NDE1: variants seen among roughly 807,000 people sequenced by gnomAD.
The protein encoded by NDE1 is nudE neurodevelopment protein 1.
Under a neutral mutation model 43.4 loss-of-function variants are expected in NDE1, and 28 were observed. The ratio of observed to expected loss-of-function variants is 0.65; its 90% CI spans 0.48 to 0.89. The LOEUF is 0.89. Ranked by LOEUF, NDE1 falls within the 40% of genes least tolerant of loss-of-function variation. The pLI, the probability that NDE1 is intolerant of heterozygous loss-of-function variation, is 0.00. For missense variants in NDE1, 441 were observed against 434.1 expected (o/e 1.02, Z -0.14); for synonymous variants, 184 against 172.0 (o/e 1.07, Z -0.55).
chr16:15,671,138 T>C (rs980301816), intron 3 of NDE1, among the ~76,000 whole-genome samples: 1 of 152,140 alleles, frequency 6.6e-6, no homozygotes, highest in African/African-American at 2.4e-5. Flanking sequence ...ACCAATAATA[T>C]TTCCCCTACT....
chr16:15,652,651 T>C (rs2036561891), intron 1 of NDE1, among the ~76,000 whole-genome samples: 1 of 152,114 alleles, frequency 6.6e-6, no homozygotes, highest in African/African-American at 2.4e-5. Context: ...CTATTTTACT[T>C]TTTGTCCAAG....
intron 8 of NDE1, chr16:15,703,585 T>C: frequency 8.0e-6 from 3 of 374,824 alleles, no homozygotes; most frequent in Non-Finnish European, 1.5e-5. Flanking sequence ...ACAGGGGTAG[T>C]AGGGGTGGTG....
At chr16:15,686,258 G>T in intron 4 of NDE1, 1 of 608,086 alleles carries the variant, frequency 1.6e-6, no homozygotes, top group Non-Finnish European at 2.1e-6. Flanking sequence ...GGGCCTGTAT[G>T]ACTTCTTGCC....
intron 3 of NDE1, among the ~76,000 whole-genome samples, chr16:15,671,410 T>C (rs960224482): frequency 1.3e-5 from 2 of 152,156 alleles, no homozygotes; most frequent in African/African-American, 4.8e-5. Context: ...CTCAAGAGGC[T>C]GAGGCAGGAG....
intron 8 of NDE1, among the ~76,000 whole-genome samples, chr16:15,716,081 A>G (rs56786076): frequency 0.01 from 1,547 of 152,226 alleles, 32 homozygotes; most frequent in African/African-American, 0.034. Flanking sequence ...AGCCTGGGAA[A>G]CAGAGTGAGA....
At chr16:15,667,777 G>A (rs570654366) in intron 3 of NDE1, among the ~76,000 whole-genome samples, 12 of 151,566 alleles carry the variant, frequency 7.9e-5, no homozygotes, top group South Asian at 2.1e-4. Flanking sequence ...GATTATAGGC[G>A]CCTGCTACCA....
Position 15,699,796 on chromosome 16 carries a change from C to T in NDE1, c.947+2936C>T, listed in dbSNP as rs1019173758. 7.4e-6 allele frequency: 10 copies of T among 1,351,332 alleles called. No homozygotes were observed. The African/African-American group carries it at 1.5e-4, about 20-fold the overall frequency. 83.7% of individuals were successfully genotyped at this position (1,351,332 alleles called of 1,614,324 possible). A position where few individuals can be genotyped will look rare whatever the true frequency, so the allele number is the denominator to read the frequency against. Reference sequence around the variant, plus strand: ...GTCTTCATCGCCGCTGCCGTCAGCCCAGGGGGTAGTCAAGATGTTGCTTTA... The same window carrying T: ...GTCTTCATCGCCGCTGCCGTCAGCCTAGGGGGTAGTCAAGATGTTGCTTTA... On this transcript the variant is annotated intron_variant, in intron 8 of 8. Coordinates refer to ENST00000396354, the MANE Select transcript of NDE1 (RefSeq NM_017668.3).
rs148344039 is a variant in NDE1, at chr16:15,694,172, C to T, written c.711C>T (p.Asp237=). The T allele has an allele frequency of 4.8e-5, 77 of 1,612,604 alleles. 1 individual carries two copies. The Middle Eastern group carries it at 3.7e-3, about 77-fold the overall frequency. Residue 237 remains aspartate, a synonymous_variant, in exon 7 of 9, where the codon GAC becomes GAT. Transcript: ENST00000396354. ...NTPGSFRRGL[D]DSTGGTPLTP... is the part of the protein sequence containing the mutation. Reference sequence around the variant, plus strand: ...TTCCCTTTGCACACCCAGGCCTGGACGACTCCACCGGGGGGACCCCCCTCA... The same window carrying T: ...TTCCCTTTGCACACCCAGGCCTGGATGACTCCACCGGGGGGACCCCCCTCA...
intron 5 of NDE1, 29 bp downstream of exon 5, chr16:15,687,540 A>G (rs1372108614): frequency 1.3e-6 from 2 of 1,587,312 alleles, no homozygotes; most frequent in Non-Finnish European, 1.7e-6. Context: ...CTTCACCAGC[A>G]TGGTCCCCTC....
At chr16:15,699,623 C>T in intron 8 of NDE1, 1 of 1,251,476 alleles carries the variant, frequency 8.0e-7, no homozygotes, top group Non-Finnish European at 1.0e-6. Context: ...CCTGTGAGAC[C>T]CTGCTCCTGA....
At chr16:15,671,570 A>G (rs2037594831) in intron 3 of NDE1, among the ~76,000 whole-genome samples, 2 of 152,056 alleles carry the variant, frequency 1.3e-5, no homozygotes, top group African/African-American at 4.8e-5. Flanking sequence ...CAATCCCCAT[A>G]TCCGTGACAC....
At chr16:15,681,023 T>A (rs980728245) in intron 4 of NDE1, among the ~76,000 whole-genome samples, 3 of 151,860 alleles carry the variant, frequency 2.0e-5, no homozygotes, top group Admixed American at 6.6e-5. Flanking sequence ...CATCTTTTTT[T>A]AAATACCTTC....
chr16:15,719,488 G>T, intron 8 of NDE1: 3 of 1,583,110 alleles, frequency 1.9e-6, no homozygotes, highest in Non-Finnish European at 2.6e-6. Flanking sequence ...CCCCAGAGGA[G>T]GACGAAATGA....
intron 6 of NDE1, among the ~76,000 whole-genome samples, chr16:15,692,534 T>A (rs1447413336): frequency 6.6e-6 from 1 of 151,926 alleles, no homozygotes; most frequent in Non-Finnish European, 1.5e-5. Flanking sequence ...CTCAGCCTCC[T>A]GAGTAAGCTT....
intron 8 of NDE1, among the ~76,000 whole-genome samples, chr16:15,712,065 C>T (rs1159753457): frequency 2.6e-5 from 4 of 152,038 alleles, no homozygotes; most frequent in Non-Finnish European, 4.4e-5. Flanking sequence ...GAGACCAAAA[C>T]GTTAAGAAGG....
Position 15,703,817 on chromosome 16 carries a change from T to G in NDE1, c.947+6957T>G, listed in dbSNP as rs540298456. ...TGCCCAGGCTGGAGGGTGGTGGTTT[T>G]TATATTCCTTGTGTGAGGGGTGTCT... On this transcript the variant is annotated intron_variant, in intron 8 of 8. Coordinates refer to ENST00000396354, the MANE Select transcript of NDE1 (RefSeq NM_017668.3). 47 of 882,726 alleles carry G rather than the reference T, an allele frequency of 5.3e-5. 1 individual carries two copies. In the South Asian group the frequency reaches 6.4e-4, roughly 12 times the overall value. The allele number at this position is 882,726 out of a possible 1,614,324, so 54.7% of individuals were successfully genotyped here. A position where few individuals can be genotyped will look rare whatever the true frequency, so the allele number is the denominator to read the frequency against.
At chr16:15,699,870 C>T in intron 8 of NDE1, 1 of 1,317,968 alleles carries the variant, frequency 7.6e-7, no homozygotes, top group Non-Finnish European at 1.0e-6. Context: ...GAAGTCGTTA[C>T]CTTTTGTCGT....
chr16:15,664,887 C>CTTTTT, intron 2 of NDE1, 26 bp downstream of exon 2: 2 of 1,341,320 alleles, frequency 1.5e-6, no homozygotes, highest in Non-Finnish European at 2.1e-6. Flanking sequence ...CCTGCTTTTC[C>CTTTTT]TTTTTTTTTT....
At chr16:15,678,453 C>T (rs1399815489) in intron 4 of NDE1, among the ~76,000 whole-genome samples, 1 of 152,124 alleles carries the variant, frequency 6.6e-6, no homozygotes, top group Non-Finnish European at 1.5e-5. Context: ...CAATCCCTGC[C>T]TCCTGGATTC....
Sources: gnomAD v4.1 joint callset for allele counts (sites outside exome capture counted in the v4.1 genomes callset) on GRCh38, gnomAD v4.1.1 for gene constraint, MANE v1.5 for transcripts, NCBI Gene and HGNC (gene_info 2026-07-23, HGNC 2026-07-21) for gene names.